UBQLN4: variants seen among roughly 807,000 people sequenced by gnomAD.
The protein encoded by UBQLN4 is ubiquilin 4.
A neutral mutation model predicts 60.4 loss-of-function variants in UBQLN4; 11 were observed. The observed-to-expected ratio is 0.18, with a 90% CI of 0.11 to 0.30. UBQLN4 has a LOEUF of 0.30. UBQLN4 is among the 10% of genes least tolerant of loss of function. The pLI is 1.00. For missense variants in UBQLN4, 417 were observed against 795.5 expected, an observed-to-expected ratio of 0.52 and a Z score of 5.72; for synonymous variants, 258 against 313.1, an observed-to-expected ratio of 0.82 and a Z score of 1.86.
intron 4 of UBQLN4, among the ~76,000 whole-genome samples, chr1:156,049,066 G>A (rs1683793177): frequency 6.6e-6 from 1 of 152,212 alleles, no homozygotes; most frequent in Admixed American, 6.5e-5. Flanking sequence ...GGGCCAAGTA[G>A]CTTACGGAAT....
rs1215902668 is a variant in UBQLN4, at chr1:156,050,277, C to T, written c.741+14G>A. On this transcript the variant is annotated intron_variant, in intron 4 of 10. Transcript: ENST00000368309. The surrounding 1 kb of genome is among the most constrained non-coding windows in gnomAD (Gnocchi z 4.6). ...CACCAGTGTCCTCCAGCTCTCCAGC[C>T]CTCTCATACTCACCTGCCTCATGAG... 2 of 1,545,934 alleles carry T rather than the reference C, an allele frequency of 1.3e-6. No homozygotes were observed. Among genetic ancestry groups the T allele is most frequent in the Non-Finnish European group, 1.8e-6 (2 of 1,140,756 alleles).
At chr1:156,044,350 A>T (rs1231638266) in intron 5 of UBQLN4, 127 bp from the exon 6 acceptor site, 7 of 846,962 alleles carry the variant, frequency 8.3e-6, no homozygotes, top group Non-Finnish European at 1.3e-5. Context: ...AAGACCTTAG[A>T]GGTCCTCAGT....
intron 10 of UBQLN4, among the ~76,000 whole-genome samples, chr1:156,039,488 G>A (rs1683490919): frequency 6.6e-6 from 1 of 150,948 alleles, no homozygotes; most frequent in Non-Finnish European, 1.5e-5. Flanking sequence ...GACCTCAGGT[G>A]ATCTGCCTGC....
downstream of UBQLN4, among the ~76,000 whole-genome samples, chr1:156,034,926 C>T (rs1018273989): frequency 2.2e-5 from 3 of 136,590 alleles, no homozygotes; most frequent in Non-Finnish European, 4.7e-5. Flanking sequence ...TGGAGTGCAG[C>T]GGCGCAATCA....
At chr1:156,051,089 C>A (rs775261152) in intron 3 of UBQLN4, 21 bp downstream of exon 3, 26 of 1,608,862 alleles carry the variant, frequency 1.6e-5, no homozygotes. Context: ...CAAGATTGTG[C>A]TCTCCTCTCT....
intron 10 of UBQLN4, 40 bp downstream of exon 10, chr1:156,041,445 A>G (rs749505181): frequency 3.4e-5 from 51 of 1,480,238 alleles, no homozygotes; most frequent in Non-Finnish European, 4.4e-5. Context: ...CCCAGGATCA[A>G]AGTGGTGCTC....
chr1:156,035,123 G>A (rs1011602747), downstream of UBQLN4, among the ~76,000 whole-genome samples: 13 of 150,854 alleles, frequency 8.6e-5, no homozygotes, highest in African/African-American at 2.4e-4. Context: ...ATGCAGTTTC[G>A]CTCTTGTTGC....
At chr1:156,042,539 T>C in intron 7 of UBQLN4, 3 of 1,094,792 alleles carry the variant, frequency 2.7e-6, no homozygotes, top group Non-Finnish European at 2.5e-6. Context: ...ACTTAACGTG[T>C]ATTAACTCAT....
chr1:156,043,003 C>T (rs1389418091), intron 6 of UBQLN4, 90 bp from the exon 7 acceptor site: 39 of 1,488,218 alleles, frequency 2.6e-5, no homozygotes, highest in South Asian at 1.5e-4. Flanking sequence ...CTTCAGACAC[C>T]GAATGACTAC....
chr1:156,051,769 G>A lies in UBQLN4; in HGVS notation c.197C>T (p.Thr66Ile). 6.2e-7 allele frequency: 1 copy of A among 1,614,154 alleles called. No homozygotes were observed. Among genetic ancestry groups the A allele is most frequent in the South Asian group, 1.1e-5 (1 of 91,076 alleles). ...FAGKILKDGDTLNQHGIKDGL... is the reference protein window; with the variant it reads ...FAGKILKDGDILNQHGIKDGL... ...GTCCTTGATTCCGTGCTGGTTCAGTGTGTCCCCATCCTTGAGGATCTTGCC... is the reference window on the plus strand; with the variant it reads ...GTCCTTGATTCCGTGCTGGTTCAGTATGTCCCCATCCTTGAGGATCTTGCC... The change falls in exon 2 of 11, where the codon ACA (threonine) becomes ATA (isoleucine). Residue 66 changes from threonine to isoleucine, a missense_variant. Transcript: ENST00000368309.
At position 156,050,622 on chromosome 1, in the gene UBQLN4, T is replaced by A; in HGVS notation, c.479-69A>T. 1 of 1,514,076 alleles carries A rather than the reference T, an allele frequency of 6.6e-7. No individual in the cohort carries two copies. The highest frequency in any genetic ancestry group is 8.9e-7 in the Non-Finnish European group (1 of 1,129,246). 93.8% of individuals were successfully genotyped at this position (1,514,076 alleles called of 1,614,324 possible). On this transcript the variant is annotated intron_variant, in intron 3 of 10. Coordinates refer to ENST00000368309, the MANE Select transcript of UBQLN4 (RefSeq NM_020131.5). This position sits in a 1 kb window ranked among gnomAD's most constrained non-coding sequence, Gnocchi z 4.6. The stretch of plus-strand genomic sequence containing the variant: ...TCCTCACTTAGCCAGAGCCACTGAA[T>A]TCAGATCTCCAGGACACGCCCCAAA...
chr1:156,034,590 C>T (rs1683351338), downstream of UBQLN4, among the ~76,000 whole-genome samples: 1 of 151,326 alleles, frequency 6.6e-6, no homozygotes, highest in Admixed American at 6.6e-5. Flanking sequence ...GCCACTGTGC[C>T]CAGCCTTGTT....
chr1:156,033,597 C>G (rs573756924), downstream of UBQLN4, among the ~76,000 whole-genome samples: 3 of 152,242 alleles, frequency 2.0e-5, no homozygotes, highest in Admixed American at 2.0e-4. Context: ...GATCCCAGCA[C>G]TTTGGGAGGC....
downstream of UBQLN4, among the ~76,000 whole-genome samples, chr1:156,034,857 ATATATATATATAT>A (rs1572265971): frequency 2.4e-5 from 2 of 83,806 alleles, no homozygotes; most frequent in Admixed American, 1.1e-4. Context: ...ATATATATAT[ATATATATATATAT>A]AATTTTTTTT....
chr1:156,045,775 T>G (rs988159975), intron 5 of UBQLN4, among the ~76,000 whole-genome samples: 1 of 152,242 alleles, frequency 6.6e-6, no homozygotes, highest in Non-Finnish European at 1.5e-5. Context: ...AAGTCCATAC[T>G]TTCCTCTACA....
In UBQLN4 at chr1:156,044,140, G is replaced by C; in HGVS notation, c.984C>G (p.Pro328=). ...SQPLRTENRE[P]LPNPWSPSPP... ...GCGAGGGGCTCCAGGGGTTAGGGAG[G>C]GGCTCTCGATTCTCAGTCCGCAGAG... is the stretch of plus-strand genomic sequence containing the variant. The change falls in exon 6 of 11, where the codon CCC becomes CCG. Residue 328 remains proline (P), a synonymous_variant. Transcript: ENST00000368309. The C allele has an allele frequency of 1.3e-6, 2 of 1,582,638 alleles. No individual in the cohort carries two copies. The highest frequency in any genetic ancestry group is 1.7e-4 in the Middle Eastern group (1 of 5,906).
At position 156,035,925 on chromosome 1, in the gene UBQLN4, A is replaced by C. The variant is rs1006729065; in HGVS notation, c.*1053T>G. 2 of 984,792 alleles carry C rather than the reference A, an allele frequency of 2.0e-6. No homozygotes were observed. The highest frequency in any genetic ancestry group is 6.2e-5 in the Admixed American group (1 of 16,188). 61.0% of individuals were successfully genotyped at this position (984,792 alleles called of 1,614,324 possible). A position where few individuals can be genotyped will look rare whatever the true frequency, so the allele number is the denominator to read the frequency against. ...TATGCACACATGTGGATACACATGC[A>C]CCTCCCCACTACTCACACAGACCCC... On this transcript the variant is annotated 3_prime_UTR_variant, in exon 11 of 11. Coordinates refer to ENST00000368309, the MANE Select transcript of UBQLN4 (RefSeq NM_020131.5).
downstream of UBQLN4, among the ~76,000 whole-genome samples, chr1:156,032,425 C>T (rs1036177410): frequency 6.6e-6 from 1 of 150,904 alleles, no homozygotes; most frequent in Non-Finnish European, 1.5e-5. Context: ...GCAGGAGAAT[C>T]ACTTGAACCC....
At chr1:156,038,085 T>C (rs1017266212) in intron 10 of UBQLN4, among the ~76,000 whole-genome samples, 1 of 151,576 alleles carries the variant, frequency 6.6e-6, no homozygotes, top group South Asian at 2.1e-4. Flanking sequence ...TAAAAAAAAA[T>C]TTTTTTTTGG....
Sources: allele counts gnomAD v4.1 joint callset (sites outside exome capture counted in the v4.1 genomes callset), GRCh38; gene constraint gnomAD v4.1.1; non-coding constraint Gnocchi (gnomAD v3.1); transcripts MANE v1.5; gene names NCBI Gene and HGNC (gene_info 2026-07-23, HGNC 2026-07-21).